The following MCPH1 variants were observed in gnomAD, a reference collection of about 807,000 sequenced individuals.
MCPH1 encodes microcephalin 1, also known as microcephalin.
A neutral mutation model predicts 84.5 loss-of-function variants in MCPH1; 104 were observed. That is an observed-to-expected ratio of 1.23 (90% confidence interval 1.05 to 1.45). The LOEUF is 1.45. MCPH1 is among the 40% of genes most tolerant of loss of function. The pLI is 0.00. For missense variants in MCPH1, 1,498 were observed against 1,005.7 expected (o/e 1.49, Z -6.62); for synonymous variants, 514 against 366.8 (o/e 1.40, Z -4.58).
chr8:6,640,105 C>CGCGCGT (rs1354819792), intron 13 of MCPH1, among the ~76,000 whole-genome samples: 4 of 133,532 alleles, frequency 3.0e-5, no homozygotes, highest in Admixed American at 2.2e-4. Flanking sequence ...TGTGCGCGCG[C>CGCGCGT]GTGTGTGTGT....
chr8:6,593,963 A>G (rs1828720601), intron 12 of MCPH1, among the ~76,000 whole-genome samples: 2 of 152,214 alleles, frequency 1.3e-5, no homozygotes, highest in African/African-American at 4.8e-5. Context: ...CATGGATAGA[A>G]GGCTGGTGGT....
chr8:6,472,933 A>G (rs1807937341), intron 9 of MCPH1, among the ~76,000 whole-genome samples: 1 of 152,230 alleles, frequency 6.6e-6, no homozygotes, highest in African/African-American at 2.4e-5. Context: ...AAGGTTTTAA[A>G]AGTAAACAGA....
chr8:6,597,038 C>A (rs2442572), intron 12 of MCPH1, among the ~76,000 whole-genome samples: 78,247 of 152,016 alleles, frequency 0.51, 20,645 homozygotes, highest in South Asian at 0.58. Flanking sequence ...GCAATGGGGC[C>A]AGGTGGGCAG....
chr8:6,427,946 C>A (rs1227765266), intron 3 of MCPH1, among the ~76,000 whole-genome samples: 3 of 151,992 alleles, frequency 2.0e-5, no homozygotes, highest in African/African-American at 7.3e-5. Context: ...GCACGCACCA[C>A]CACGCCCGGC....
At chr8:6,526,241 A>G (rs971697260) in intron 12 of MCPH1, among the ~76,000 whole-genome samples, 3 of 148,046 alleles carry the variant, frequency 2.0e-5, no homozygotes, top group African/African-American at 7.5e-5. Flanking sequence ...GCAATATGGC[A>G]AAACCTTGCC....
intron 12 of MCPH1, among the ~76,000 whole-genome samples, chr8:6,557,905 C>T (rs1377929922): frequency 6.6e-6 from 1 of 152,114 alleles, no homozygotes; most frequent in Non-Finnish European, 1.5e-5. Context: ...ATTTTGTGGC[C>T]AGATATGGAA....
At chr8:6,541,046 A>G (rs1041393748) in intron 12 of MCPH1, among the ~76,000 whole-genome samples, 4 of 152,018 alleles carry the variant, frequency 2.6e-5, no homozygotes, top group African/African-American at 7.2e-5. Flanking sequence ...GGAGGCTCTC[A>G]TGGGTGTCCC....
chr8:6,619,217 G>T (rs1831162697), intron 12 of MCPH1: 1 of 152,210 alleles, frequency 6.6e-6, no homozygotes, highest in Admixed American at 6.5e-5. Context: ...CAATAAAGAA[G>T]ACACAGACAA....
Position 6,444,413 on chromosome 8 carries a change from T to G in MCPH1, c.691T>G (p.Leu231Val). The G allele has an allele frequency of 6.2e-7, 1 of 1,614,156 alleles. No homozygotes were observed. Among genetic ancestry groups the G allele is most frequent in the Non-Finnish European group, 8.5e-7 (1 of 1,180,004 alleles). Residue 231 changes from leucine (L) to valine (V), a missense_variant, in exon 8 of 14, where the codon TTA becomes GTA. Leu to Val is a conservative substitution (Grantham distance 32). Transcript: ENST00000344683. Reference protein sequence around the residue: ...LCSDEYFAGGLHSSFDDLCGN... With the variant: ...LCSDEYFAGGVHSSFDDLCGN... ...TCCAGATGAATACTTTGCTGGTGGC[T>G]TACACTCATCTTTTGATGATCTTTG... is the stretch of plus-strand genomic sequence containing the variant.
chr8:6,451,328 G>A (rs777151278), intron 8 of MCPH1, among the ~76,000 whole-genome samples: 15 of 152,098 alleles, frequency 9.9e-5, no homozygotes, highest in Non-Finnish European at 2.1e-4. Context: ...TGTTTACTCC[G>A]TATCTACTAT....
At position 6,499,929 on chromosome 8, in the gene MCPH1, C is replaced by T. The variant is rs35344839; in HGVS notation, c.2214C>T (p.Pro738=). ...TGTCTCACCACTTCCCTGCAGCTCCCGTAAGTCAGATGTTGTTTTACGATG... is the reference window on the plus strand; with the variant it reads ...TGTCTCACCACTTCCCTGCAGCTCCTGTAAGTCAGATGTTGTTTTACGATG... ...FELSHHFPAA[P]LCRSECHLSA... The change falls in exon 12 of 14, where the codon CCC becomes CCT. Residue 738 remains proline (P), a splice_region_variant and synonymous_variant. Transcript: ENST00000344683. 39 of 1,613,056 alleles carry T rather than the reference C, an allele frequency of 2.4e-5. 1 individual carries two copies. The highest frequency in any genetic ancestry group is 2.4e-4 in the African/African-American group (18 of 74,990).
intron 9 of MCPH1, among the ~76,000 whole-genome samples, chr8:6,467,316 C>CT (rs1250139705): frequency 6.6e-6 from 1 of 151,960 alleles, no homozygotes; most frequent in East Asian, 1.9e-4. Context: ...ATTTTGAAAA[C>CT]TTTTTTTTGA....
At position 6,422,672 on chromosome 8, in the gene MCPH1, G is replaced by A. The variant is rs372372031; in HGVS notation, c.233+7789G>A. On this transcript the variant is annotated intron_variant, in intron 3 of 13. Transcript: ENST00000344683. ...CAGACCCCATAATACTTGTAACTTC[G>A]TTATCCAAAAGCAAAGTTTTCTTTT... 5.1e-4 allele frequency among the ~76,000 whole-genome samples: 78 copies of A among 152,134 alleles called. 3 individuals carry two copies. In the South Asian group the frequency reaches 0.015, roughly 30 times the overall value.
intron 12 of MCPH1, among the ~76,000 whole-genome samples, chr8:6,612,782 A>G (rs909709001): frequency 6.6e-5 from 10 of 152,216 alleles, no homozygotes; most frequent in Non-Finnish European, 1.3e-4. Flanking sequence ...CTCTGAGAAG[A>G]GGACTGAGAA....
chr8:6,417,319 C>T (rs536794162), intron 3 of MCPH1, among the ~76,000 whole-genome samples: 1 of 152,318 alleles, frequency 6.6e-6, no homozygotes, highest in East Asian at 1.9e-4. Context: ...CATATGGTCT[C>T]TGCTCAACAG....
intron 9 of MCPH1, chr8:6,473,778 A>C (rs1808076070): frequency 1.3e-5 from 12 of 939,412 alleles, no homozygotes; most frequent in African/African-American, 1.7e-5. Flanking sequence ...ATACTTAAAC[A>C]ATTTCTATGA....
rs187722535 is a variant in MCPH1, at chr8:6,634,124, G to T, written c.2453-8870G>T. 2.6e-5 allele frequency among the ~76,000 whole-genome samples: 4 copies of T among 152,284 alleles called. No homozygotes were observed. In the East Asian group the frequency reaches 7.7e-4, roughly 29 times the overall value. The stretch of plus-strand genomic sequence containing the variant: ...AGCTAAAAATGAAGATGTGAATAGT[G>T]TATTGAAAAACTAGATCTGAAGGCA... On this transcript the variant is annotated intron_variant, in intron 13 of 13. Coordinates refer to ENST00000344683, the MANE Select transcript of MCPH1 (RefSeq NM_024596.5).
chr8:6,640,745 G>A (rs904870705), intron 13 of MCPH1, among the ~76,000 whole-genome samples: 1 of 152,094 alleles, frequency 6.6e-6, no homozygotes, highest in Non-Finnish European at 1.5e-5. Context: ...TGCTTAGAAA[G>A]GCCTTCCTCA....
At chr8:6,478,259 T>G (rs941420795) in intron 10 of MCPH1, among the ~76,000 whole-genome samples, 1 of 152,178 alleles carries the variant, frequency 6.6e-6, no homozygotes, top group Non-Finnish European at 1.5e-5. Flanking sequence ...TAGAACATTT[T>G]CAGTAGTGGG....
Sources: gnomAD v4.1 joint callset for allele counts (sites outside exome capture counted in the v4.1 genomes callset) on GRCh38, gnomAD v4.1.1 for gene constraint, MANE v1.5 for transcripts, NCBI Gene and HGNC (gene_info 2026-07-23, HGNC 2026-07-21) for gene names.